The following TNPO3 variants were observed in gnomAD, a reference collection of about 807,000 sequenced individuals.
TNPO3 encodes the protein transportin-3.
A neutral mutation model predicts 122.8 loss-of-function variants in TNPO3; 65 were observed. That is an observed-to-expected ratio of 0.53 (90% CI 0.43 to 0.65). The LOEUF is 0.65. Ranked by LOEUF, TNPO3 falls within the 30% of genes least tolerant of loss-of-function variation. The pLI is 0.00. For synonymous variants in TNPO3, 372 were observed against 411.2 expected (o/e 0.90, Z 1.15); for missense variants, 850 against 1,136.7 (o/e 0.75, Z 3.63).
rs1215565592 is a variant in TNPO3 at position 128,973,182 on chromosome 7, G to A, written c.2274-600C>T. 2.0e-5 allele frequency among the ~76,000 whole-genome samples: 3 copies of A among 152,166 alleles called. No homozygotes were observed. The East Asian group carries it at 5.8e-4, about 29-fold the overall frequency. ...AGCATTTCCCAAACTAAAGTTCACAGAATTCCAGTTCCCAGGATGTCAACA... is the reference window on the plus strand; with the variant it reads ...AGCATTTCCCAAACTAAAGTTCACAAAATTCCAGTTCCCAGGATGTCAACA... On this transcript the variant is annotated intron_variant, in intron 18 of 22. Transcript: ENST00000265388.
At chr7:129,051,320 G>A (rs1808736250) in intron 1 of TNPO3, among the ~76,000 whole-genome samples, 1 of 150,792 alleles carries the variant, frequency 6.6e-6, no homozygotes, top group African/African-American at 2.4e-5. Flanking sequence ...TATGATCACA[G>A]CAGAATGTCT....
intron 10 of TNPO3, 43 bp downstream of exon 10, chr7:128,991,956 T>C: frequency 1.5e-6 from 2 of 1,376,426 alleles, no homozygotes; most frequent in Admixed American, 2.2e-5. Context: ...TTCCTTCCTC[T>C]TGATATTTAG....
rs1176882758 is a variant in TNPO3 at position 129,005,255 on chromosome 7, C to T, written c.553-96G>A. ...ACAAGTATAATAATGAGAAAGATGGCAATAAAACAGCCAACGGTTAAAAGT... is the reference window on the plus strand; with the variant it reads ...ACAAGTATAATAATGAGAAAGATGGTAATAAAACAGCCAACGGTTAAAAGT... On this transcript the variant is annotated intron_variant, in intron 4 of 22. Transcript: ENST00000265388. 4.3e-6 allele frequency: 5 copies of T among 1,166,654 alleles called. No homozygotes were observed. In the East Asian group the frequency reaches 1.1e-4, roughly 25 times the overall value. 72.3% of individuals were successfully genotyped at this position (1,166,654 alleles called of 1,614,324 possible).
In TNPO3 at chr7:128,997,424, C is replaced by T; in HGVS notation, c.1123G>A (p.Ala375Thr). ...TCCAGCTGGCAGTGTCGAGCCAAGG[C>T]GTGAAGCAGCCTCTGAATGTAAGCT... ...FKAYIQRLLH[A>T]LARHCQLEPD... is the part of the protein sequence containing the mutation. Residue 375 changes from alanine (A) to threonine (T), a missense_variant, in exon 8 of 23, where the codon GCC (alanine) becomes ACC (threonine). Physicochemically the swap from Ala to Thr is moderately conservative, Grantham distance 58. Coordinates refer to ENST00000265388, the MANE Select transcript of TNPO3 (RefSeq NM_012470.4). 6 of 1,614,152 alleles carry T rather than the reference C, an allele frequency of 3.7e-6. No individual in the cohort carries two copies. The highest frequency in any genetic ancestry group is 1.1e-5 in the South Asian group (1 of 91,084).
intron 5 of TNPO3, 143 bp from the exon 6 acceptor site, chr7:129,001,377 CA>C (rs1801933080): frequency 3.0e-6 from 2 of 674,920 alleles, no homozygotes; most frequent in South Asian, 3.6e-5. Flanking sequence ...ATGAAAAACA[CA>C]AATTTAAAAA....
At chr7:129,041,571 T>C in intron 1 of TNPO3, 1 of 985,452 alleles carries the variant, frequency 1.0e-6, no homozygotes, top group Non-Finnish European at 1.2e-6. Context: ...CATAGGACTT[T>C]CTAGCCACAG....
chr7:129,000,918 G>T, intron 6 of TNPO3, 141 bp downstream of exon 6: 1 of 1,005,194 alleles, frequency 9.9e-7, no homozygotes, highest in Non-Finnish European at 1.4e-6. Flanking sequence ...GAAGAGCATA[G>T]TAGAGCATCT....
At position 129,001,291 on chromosome 7, in the gene TNPO3, C is replaced by T. The variant is rs1801922758; in HGVS notation, c.697-57G>A. 4.7e-6 allele frequency: 7 copies of T among 1,479,242 alleles called. No homozygotes were observed. In the South Asian group the frequency reaches 7.7e-5, roughly 16 times the overall value. 91.6% of individuals were successfully genotyped at this position (1,479,242 alleles called of 1,614,324 possible). ...AGTATGATCACTAAGGAGTGATCTA[C>T]AGTTGGCCCTGCACACCCTAGGGTT... On this transcript the variant is annotated intron_variant, in intron 5 of 22. Coordinates refer to ENST00000265388, the MANE Select transcript of TNPO3 (RefSeq NM_012470.4).
intron 4 of TNPO3, among the ~76,000 whole-genome samples, chr7:129,013,949 C>T (rs142516386): frequency 6.6e-6 from 1 of 152,048 alleles, no homozygotes; most frequent in East Asian, 1.9e-4. Flanking sequence ...AGTAGAATGA[C>T]GGTGATCAGA....
intron 4 of TNPO3, 121 bp from the exon 5 acceptor site, chr7:129,005,280 T>C (rs1802441943): frequency 2.0e-6 from 2 of 991,646 alleles, no homozygotes; most frequent in Non-Finnish European, 2.9e-6. Context: ...CGGTTAAAAG[T>C]GCTTTTTAAG....
chr7:128,986,601 T>A, intron 12 of TNPO3, 128 bp downstream of exon 12: 1 of 821,824 alleles, frequency 1.2e-6, no homozygotes, highest in South Asian at 2.0e-5. Context: ...GGAAAAGCCA[T>A]CTTCCTCATC....
intron 1 of TNPO3, among the ~76,000 whole-genome samples, 191 bp from the exon 2 acceptor site, chr7:129,018,348 AC>A (rs763559026): frequency 4.8e-4 from 73 of 152,322 alleles, no homozygotes; most frequent in Admixed American, 8.5e-4. Flanking sequence ...CAAAATAATT[AC>A]CTAAAATCTG....
chr7:128,978,029 C>T (rs1799250603), intron 16 of TNPO3, among the ~76,000 whole-genome samples: 1 of 151,924 alleles, frequency 6.6e-6, no homozygotes, highest in Admixed American at 6.5e-5. Context: ...GACTGTTTTC[C>T]TCACAGCATG....
intron 1 of TNPO3, among the ~76,000 whole-genome samples, chr7:129,043,218 T>A (rs557823018): frequency 1.4e-5 from 2 of 147,502 alleles, no homozygotes; most frequent in Non-Finnish European, 3.0e-5. Context: ...CTGGGCAACA[T>A]AGCAAGACCC....
intron 1 of TNPO3, among the ~76,000 whole-genome samples, chr7:129,053,429 AG>A (rs1449153289): frequency 2.1e-5 from 3 of 140,660 alleles, no homozygotes; most frequent in African/African-American, 8.0e-5. Context: ...CGGGAGGAGG[AG>A]GTTGCAGTGA....
chr7:128,998,380 T>G (rs1801569100), intron 7 of TNPO3, among the ~76,000 whole-genome samples: 1 of 152,178 alleles, frequency 6.6e-6, no homozygotes, highest in South Asian at 2.1e-4. Context: ...TATATTTTCT[T>G]TAGAGACAGG....
At chr7:129,031,756 A>G (rs1431227793) in intron 1 of TNPO3, among the ~76,000 whole-genome samples, 4 of 152,238 alleles carry the variant, frequency 2.6e-5, no homozygotes, top group African/African-American at 9.6e-5. Flanking sequence ...TTACAGACTA[A>G]TAATATCCCT....
chr7:128,966,826 T>C (rs1797969657), intron 21 of TNPO3, among the ~76,000 whole-genome samples: 1 of 152,220 alleles, frequency 6.6e-6, no homozygotes, highest in African/African-American at 2.4e-5. Context: ...CACAACTTCT[T>C]TGAAATTAGA....
rs983752857 is a variant in TNPO3 at position 128,954,457 on chromosome 7, T to C, written c.*960A>G. The C allele has an allele frequency of 6.6e-6, 1 of 152,206 alleles. No individual in the cohort carries two copies. Among genetic ancestry groups the C allele is most frequent in the Non-Finnish European group, 1.5e-5 (1 of 68,044 alleles). The allele number at this position is 152,206 out of a possible 1,614,324, so 9.4% of individuals were successfully genotyped here. A position where few individuals can be genotyped will look rare whatever the true frequency, so the allele number is the denominator to read the frequency against. ...TCTCCACACACCCTCCCTCTTTTTT[T>C]CTCTCATGTCTGTGGGTGAATAATT... On this transcript the variant is annotated 3_prime_UTR_variant, in exon 23 of 23. Coordinates refer to ENST00000265388, the MANE Select transcript of TNPO3 (RefSeq NM_012470.4).
Sources: gnomAD v4.1 joint callset for allele counts (sites outside exome capture counted in the v4.1 genomes callset) on GRCh38, gnomAD v4.1.1 for gene constraint, MANE v1.5 for transcripts, NCBI Gene and HGNC (gene_info 2026-07-23, HGNC 2026-07-21) for gene names.